LHX8: variants seen among roughly 807,000 people sequenced by gnomAD.
LHX8 encodes the protein LIM homeobox 8, also known as LIM/homeobox protein Lhx8.
A neutral mutation model predicts 40.3 loss-of-function variants in LHX8; 12 were observed. That is an observed-to-expected ratio of 0.30 (90% CI 0.19 to 0.48). The LOEUF is 0.48. Ranked by LOEUF, LHX8 falls within the 20% of genes least tolerant of loss-of-function variation. LHX8 has a pLI of 0.99. For missense variants in LHX8, 344 were observed against 433.7 expected (o/e 0.79, Z 1.84); for synonymous variants, 179 against 162.0 (o/e 1.10, Z -0.80).
chr1:75,137,223 A>G lies in LHX8; in HGVS notation c.199A>G (p.Ser67Gly). The change falls in exon 3 of 9, where the codon AGT becomes GGT. Residue 67 changes from serine (S) to glycine (G), a missense_variant. Around this residue, in one of 3 missense-constraint regions of LHX8, gnomAD observed 108 missense variants for 90.1 expected, o/e 1.20. Transcript: ENST00000356261. Reference sequence around the variant, plus strand: ...CCCTCCTGGCAAGTGTGTGTGCAACAGTTGCGGCCTGGAGATCGTGGACAA... The same window carrying G: ...CCCTCCTGGCAAGTGTGTGTGCAACGGTTGCGGCCTGGAGATCGTGGACAA... ...GCPPGKCVCN[S>G]CGLEIVDKYL... The G allele has an allele frequency of 1.2e-6, 2 of 1,613,614 alleles. No homozygotes were observed. The highest frequency in any genetic ancestry group is 1.1e-5 in the South Asian group (1 of 91,070).
Position 75,157,525 on chromosome 1 carries a change from A to G in LHX8, c.964+449A>G, listed in dbSNP as rs559752505. Among the ~76,000 whole-genome samples the G allele has an allele frequency of 2.6e-5, 4 of 152,368 alleles. No individual in the cohort carries two copies. In the South Asian group the frequency reaches 8.3e-4, roughly 32 times the overall value. The stretch of plus-strand genomic sequence containing the variant: ...TCAGCTTGATGAATTAATAAAATGA[A>G]TGTATCCATATAGATATTGCCCAAA... On this transcript the variant is annotated intron_variant, in intron 8 of 8. Coordinates refer to ENST00000356261, the MANE Select transcript of LHX8 (RefSeq NM_001256114.2).
At chr1:75,174,588 C>A in the LHX8 span, among the ~76,000 whole-genome samples, 2 of 152,152 alleles carry the variant, frequency 1.3e-5, no homozygotes, top group African/African-American at 2.4e-5. Context: ...AGGCTAGAAC[C>A]AATTCCTTCC....
chr1:75,167,478 A>G, the LHX8 span, among the ~76,000 whole-genome samples: 1 of 151,958 alleles, frequency 6.6e-6, no homozygotes, highest in East Asian at 1.9e-4. Context: ...TCCTTTCTCC[A>G]TTTCTCTTTT....
downstream of LHX8, among the ~76,000 whole-genome samples, chr1:75,164,328 C>G (rs1484691466): frequency 1.3e-5 from 2 of 152,010 alleles, no homozygotes; most frequent in East Asian, 3.9e-4. Context: ...AGTAACAAAG[C>G]CAGTATTTGG....
the LHX8 span, among the ~76,000 whole-genome samples, chr1:75,197,540 G>T: frequency 1.3e-5 from 2 of 152,166 alleles, no homozygotes; most frequent in Admixed American, 1.3e-4. Context: ...TAAATAACAT[G>T]ATATAAAATG....
chr1:75,168,425 C>T, the LHX8 span, among the ~76,000 whole-genome samples: 2 of 152,078 alleles, frequency 1.3e-5, no homozygotes, highest in East Asian at 1.9e-4. Context: ...TGGGGTTTCA[C>T]CATGTTTGCC....
At chr1:75,170,568 TAC>T in the LHX8 span, among the ~76,000 whole-genome samples, 2 of 152,218 alleles carry the variant, frequency 1.3e-5, no homozygotes, top group African/African-American at 4.8e-5. Context: ...TCTATTTCTT[TAC>T]AAACCAATGA....
chr1:75,143,009 T>C, intron 4 of LHX8, 109 bp from the exon 5 acceptor site: 1 of 818,816 alleles, frequency 1.2e-6, no homozygotes, highest in East Asian at 2.5e-5. Flanking sequence ...AATATTTAAA[T>C]ACTTAGGTTA....
At chr1:75,189,920 A>G in the LHX8 span, among the ~76,000 whole-genome samples, 1 of 152,304 alleles carries the variant, frequency 6.6e-6, no homozygotes, top group Admixed American at 6.5e-5. Context: ...GTTCAATGCT[A>G]TTTACTCATT....
the LHX8 span, among the ~76,000 whole-genome samples, chr1:75,175,818 C>A: frequency 6.6e-6 from 1 of 152,070 alleles, no homozygotes; most frequent in African/African-American, 2.4e-5. Flanking sequence ...GCTATCCCTC[C>A]CCCATTCCAT....
the LHX8 span, among the ~76,000 whole-genome samples, chr1:75,184,726 C>T: frequency 6.6e-6 from 1 of 150,658 alleles, no homozygotes; most frequent in African/African-American, 2.4e-5. Context: ...GCAAGAGCAA[C>T]CCCAAAGCTA....
At chr1:75,184,329 G>A in the LHX8 span, among the ~76,000 whole-genome samples, 3 of 152,054 alleles carry the variant, frequency 2.0e-5, no homozygotes, top group South Asian at 2.1e-4. Context: ...TCTTCTCATC[G>A]TCACCTGACA....
the LHX8 span, among the ~76,000 whole-genome samples, chr1:75,193,616 T>C: frequency 1.3e-5 from 2 of 152,246 alleles, no homozygotes; most frequent in Non-Finnish European, 2.9e-5. Context: ...TCTTTCCTGC[T>C]AAAATATGGC....
the LHX8 span, among the ~76,000 whole-genome samples, chr1:75,171,545 CAT>C: frequency 6.6e-6 from 1 of 152,080 alleles, no homozygotes; most frequent in Admixed American, 6.6e-5. Flanking sequence ...GTTGTTCTCA[CAT>C]GAGAATCACT....
the LHX8 span, among the ~76,000 whole-genome samples, chr1:75,173,963 A>T: frequency 7.2e-5 from 11 of 152,176 alleles, no homozygotes; most frequent in South Asian, 2.3e-3. Context: ...GCACCAAAGG[A>T]AATGCTCTTT....
chr1:75,140,519 A>G (rs1471015336), intron 3 of LHX8, among the ~76,000 whole-genome samples: 1 of 152,164 alleles, frequency 6.6e-6, no homozygotes, highest in African/African-American at 2.4e-5. Context: ...TGCTCTGTTT[A>G]GGAGGTATAC....
chr1:75,177,401 G>T, the LHX8 span, among the ~76,000 whole-genome samples: 3 of 152,164 alleles, frequency 2.0e-5, no homozygotes. Context: ...TCCCTTGTAA[G>T]TTGGATTCCT....
upstream of LHX8, chr1:75,132,051 A>AC (rs1647988646): frequency 6.6e-6 from 1 of 152,122 alleles, no homozygotes; most frequent in African/African-American, 2.4e-5. Context: ...CTAAGACCAA[A>AC]CAAACAAACA....
chr1:75,152,367 A>T (rs1648634413), intron 7 of LHX8, among the ~76,000 whole-genome samples: 1 of 152,146 alleles, frequency 6.6e-6, no homozygotes. Flanking sequence ...TTTTCCCCAC[A>T]CACTGCATCC....
Sources: gnomAD v4.1 joint callset for allele counts (sites outside exome capture counted in the v4.1 genomes callset) on GRCh38, gnomAD v4.1.1 for gene constraint, gnomAD v4.1.1 regional missense constraint, MANE v1.5 for transcripts, NCBI Gene and HGNC (gene_info 2026-07-23, HGNC 2026-07-21) for gene names.